Variants in SLC5A7 observed in about 807,000 individuals in gnomAD.
SLC5A7 encodes the protein high affinity choline transporter 1.
In SLC5A7, 19 loss-of-function variants were observed where a neutral mutation model predicts 55.4. The ratio of observed to expected loss-of-function variants is 0.34; its 90% CI spans 0.24 to 0.50. The LOEUF (loss-of-function observed/expected upper bound fraction) is 0.50, where lower values mean the gene tolerates loss of function less well. SLC5A7 is among the 20% of genes least tolerant of loss of function. SLC5A7 has a pLI of 0.98. For missense variants in SLC5A7, 506 were observed against 705.3 expected (o/e 0.72, Z 3.20); for synonymous variants, 265 against 263.7 (o/e 1.00, Z -0.05).
intron 6 of SLC5A7, among the ~76,000 whole-genome samples, chr2:108,002,869 T>A (rs528012016): frequency 6.6e-6 from 1 of 152,252 alleles, no homozygotes; most frequent in African/African-American, 2.4e-5. Flanking sequence ...AAAAATCTTC[T>A]TAAAAAAAGA....
chr2:107,990,108 A>C (rs1306051451), intron 2 of SLC5A7, among the ~76,000 whole-genome samples: 1 of 152,242 alleles, frequency 6.6e-6, no homozygotes, highest in Non-Finnish European at 1.5e-5. Context: ...TAGAGATAAA[A>C]AATGTTGATT....
At chr2:107,998,051 C>T (rs1393290270) in intron 5 of SLC5A7, 65 bp downstream of exon 5, 2 of 1,425,282 alleles carry the variant, frequency 1.4e-6, no homozygotes, top group Admixed American at 4.6e-5. Flanking sequence ...TTTATACTAA[C>T]TCATTAAAAA....
intron 3 of SLC5A7, 120 bp from the exon 4 acceptor site, chr2:107,992,852 T>A: frequency 9.8e-7 from 1 of 1,020,940 alleles, no homozygotes; most frequent in Non-Finnish European, 1.4e-6. Context: ...TGTGCAGACT[T>A]GTTCCTCAAT....
Position 108,011,928 on chromosome 2 carries a change from T to C in SLC5A7, c.*1067T>C, listed in dbSNP as rs1678342724. 1 of 152,592 alleles carries C rather than the reference T, an allele frequency of 6.6e-6. No homozygotes were observed. The highest frequency in any genetic ancestry group is 1.5e-5 in the Non-Finnish European group (1 of 68,022). 9.5% of individuals were successfully genotyped at this position (152,592 alleles called of 1,614,324 possible). A position where few individuals can be genotyped will look rare whatever the true frequency, so the allele number is the denominator to read the frequency against. ...ATATTCATTAATAGGAAAGATTTAA[T>C]GTTACAGCATCTACTCTTTGGCACT... On this transcript the variant is annotated 3_prime_UTR_variant, in exon 9 of 9. Transcript: ENST00000264047.
chr2:107,989,619 G>A (rs376877617), intron 2 of SLC5A7, among the ~76,000 whole-genome samples: 5 of 152,170 alleles, frequency 3.3e-5, no homozygotes, highest in African/African-American at 7.2e-5. Flanking sequence ...ACAGGTCTCC[G>A]GTAACTTAGT....
Position 107,998,733 on chromosome 2 carries a change from T to TA in SLC5A7, c.597+748dup. ...CATGTACATTATCTCACCATACACATATATTATCCCAGTTGTAGATTCTTT... is the reference window on the plus strand; with the variant it reads ...CATGTACATTATCTCACCATACACATAATATTATCCCAGTTGTAGATTCTTT... On this transcript the variant is annotated intron_variant, in intron 5 of 8. Coordinates refer to ENST00000264047, the MANE Select transcript of SLC5A7 (RefSeq NM_021815.5). Among the ~76,000 whole-genome samples, 3 of 152,332 alleles carry TA rather than the reference T, an allele frequency of 2.0e-5. No homozygotes were observed. The Middle Eastern group carries it at 0.01, about 518-fold the overall frequency.
intron 6 of SLC5A7, among the ~76,000 whole-genome samples, chr2:108,005,250 A>G (rs1678060268): frequency 6.6e-6 from 1 of 152,220 alleles, no homozygotes; most frequent in Non-Finnish European, 1.5e-5. Flanking sequence ...AGTAAGTTCC[A>G]GGGAAAGACC....
chr2:108,008,037 G>A (rs1171042473), intron 7 of SLC5A7, among the ~76,000 whole-genome samples: 1 of 152,328 alleles, frequency 6.6e-6, no homozygotes, highest in Admixed American at 6.5e-5. Context: ...TGTACAGAGA[G>A]ATGATGGCTG....
rs550860062 is a variant in SLC5A7 at position 107,993,018 on chromosome 2, C to G, written c.339C>G (p.Thr113=). 6.2e-7 allele frequency: 1 copy of G among 1,614,136 alleles called. No homozygotes were observed. The highest frequency in any genetic ancestry group is 8.5e-7 in the Non-Finnish European group (1 of 1,180,028). ...CTATGCGTTCAAAGGGGTATGTGAC[C>G]ATGTTAGACCCGTTTCAGCAAATCT... ...AKPMRSKGYV[T]MLDPFQQIYG... is the part of the protein sequence containing the mutation. The change falls in exon 4 of 9, where the codon ACC becomes ACG. Residue 113 remains threonine, a synonymous_variant. Transcript: ENST00000264047.
intron 7 of SLC5A7, among the ~76,000 whole-genome samples, chr2:108,006,736 A>G (rs1265969288): frequency 6.6e-6 from 1 of 152,184 alleles, no homozygotes; most frequent in East Asian, 1.9e-4. Flanking sequence ...AACTGAAGAT[A>G]GAGATGGGCA....
Position 108,010,630 on chromosome 2 carries a change from T to C in SLC5A7, c.1512T>C (p.Ser504=). ...ATCTAGCCAAGTATCTATTTGAAAG[T>C]GGAACCTTGCCACCTAAATTAGATG... ...ISYLAKYLFE[S]GTLPPKLDVF... The change falls in exon 9 of 9, where the codon AGT becomes AGC. Residue 504 remains serine (S), a synonymous_variant. Coordinates refer to ENST00000264047, the MANE Select transcript of SLC5A7 (RefSeq NM_021815.5). The C allele has an allele frequency of 6.2e-7, 1 of 1,614,006 alleles. No homozygotes were observed. Among genetic ancestry groups the C allele is most frequent in the East Asian group, 2.2e-5 (1 of 44,878 alleles).
At chr2:107,998,792 G>A (rs1305597167) in intron 5 of SLC5A7, among the ~76,000 whole-genome samples, 1 of 152,162 alleles carries the variant, frequency 6.6e-6, no homozygotes, top group Non-Finnish European at 1.5e-5. Flanking sequence ...GCCACAGACT[G>A]AGCAACCTAA....
chr2:108,008,607 ATCAG>A lies in SLC5A7; in HGVS notation c.1039_1042del (p.Ser347GlnfsTer51), dbSNP rs758084765. On this transcript the variant is annotated frameshift_variant, in exon 8 of 9. Transcript: ENST00000264047. LOFTEE classifies it high-confidence loss of function. ...GTGCAGTTTCTGCTGCTGTTATGTC[ATCAG>A]CAGATTCTTCCATCTTGTCAGCAAG... 1.2e-6 allele frequency: 2 copies of A among 1,613,476 alleles called. No homozygotes were observed. The highest frequency in any genetic ancestry group is 1.7e-6 in the Non-Finnish European group (2 of 1,179,812).
chr2:107,991,068 G>C (rs904796089), intron 2 of SLC5A7, among the ~76,000 whole-genome samples: 1 of 152,124 alleles, frequency 6.6e-6, no homozygotes, highest in Admixed American at 6.5e-5. Context: ...TTCAACATTA[G>C]TTTTTCAGCA....
At chr2:108,002,998 C>T (rs980911869) in intron 6 of SLC5A7, among the ~76,000 whole-genome samples, 2 of 152,126 alleles carry the variant, frequency 1.3e-5, no homozygotes, top group Non-Finnish European at 2.9e-5. Flanking sequence ...TCTAGCATTA[C>T]CTCAACACTC....
intron 7 of SLC5A7, among the ~76,000 whole-genome samples, chr2:108,006,828 C>T (rs1182480460): frequency 2.0e-5 from 3 of 152,158 alleles, no homozygotes; most frequent in Admixed American, 2.0e-4. Context: ...CTGTCATCCT[C>T]ATGACCTCCC....
intron 7 of SLC5A7, 77 bp downstream of exon 7, chr2:108,006,279 C>T (rs1270428196): frequency 2.7e-6 from 4 of 1,502,380 alleles, no homozygotes; most frequent in Non-Finnish European, 3.7e-6. Context: ...GTCCCACTCC[C>T]CTCTTTCCTC....
intron 4 of SLC5A7, among the ~76,000 whole-genome samples, chr2:107,996,059 G>A (rs1677657204): frequency 6.6e-6 from 1 of 151,890 alleles, no homozygotes; most frequent in Non-Finnish European, 1.5e-5. Context: ...GCATCTACTA[G>A]GACCCCAAAT....
At chr2:108,007,845 T>C (rs1302612763) in intron 7 of SLC5A7, among the ~76,000 whole-genome samples, 1 of 152,218 alleles carries the variant, frequency 6.6e-6, no homozygotes, top group Non-Finnish European at 1.5e-5. Flanking sequence ...AGCTATGTAT[T>C]CAAAGATAAA....
Sources: allele counts gnomAD v4.1 joint callset (sites outside exome capture counted in the v4.1 genomes callset), GRCh38; gene constraint gnomAD v4.1.1; transcripts MANE v1.5; gene names NCBI Gene and HGNC (gene_info 2026-07-23, HGNC 2026-07-21).